The following CACNA1I variants were observed in gnomAD, a reference collection of about 807,000 sequenced individuals.
CACNA1I encodes the protein voltage-dependent T-type calcium channel subunit alpha-1I.
A neutral mutation model predicts 201.6 loss-of-function variants in CACNA1I; 74 were observed. The observed-to-expected ratio is 0.37, with a 90% CI of 0.30 to 0.45. CACNA1I has a LOEUF of 0.45. Ranked by LOEUF, CACNA1I falls within the 20% of genes least tolerant of loss-of-function variation. CACNA1I has a pLI of 1.00. For synonymous variants in CACNA1I, 1,431 were observed against 1,345.2 expected, an observed-to-expected ratio of 1.06 and a Z score of -1.40; for missense variants, 2,346 against 3,138.1, an observed-to-expected ratio of 0.75 and a Z score of 6.03.
At chr22:39,678,142 C>T (rs1173021233) in intron 31 of CACNA1I, 34 bp downstream of exon 31, 8 of 1,601,016 alleles carry the variant, frequency 5.0e-6, no homozygotes, top group African/African-American at 2.7e-5. Flanking sequence ...GAGAAATCAG[C>T]CAGGTGCTGG....
intron 5 of CACNA1I, among the ~76,000 whole-genome samples, chr22:39,637,045 C>G (rs1934235912): frequency 6.6e-6 from 1 of 152,232 alleles, no homozygotes; most frequent in Non-Finnish European, 1.5e-5. Flanking sequence ...CTCTCCCTGG[C>G]TGTGTGGGTG....
intron 7 of CACNA1I, among the ~76,000 whole-genome samples, chr22:39,646,034 T>C (rs1488685862): frequency 6.6e-6 from 1 of 152,036 alleles, no homozygotes; most frequent in African/African-American, 2.4e-5. Context: ...CTGGGCTCAG[T>C]GCAGATGTCC....
At position 39,685,826 on chromosome 22, in the gene CACNA1I, G is replaced by A. The variant is rs1264382556; in HGVS notation, c.6093G>A (p.Thr2031=). 1 of 1,496,254 alleles carries A rather than the reference G, an allele frequency of 6.7e-7. No homozygotes were observed. 92.7% of individuals were successfully genotyped at this position (1,496,254 alleles called of 1,614,324 possible). A position where few individuals can be genotyped will look rare whatever the true frequency, so the allele number is the denominator to read the frequency against. The change falls in exon 37 of 37, where the codon ACG becomes ACA. Residue 2031 remains threonine (T), a synonymous_variant. Transcript: ENST00000402142. The surrounding 1 kb of genome is among the most constrained non-coding windows in gnomAD (Gnocchi z 5.0). ...GCTCCGCGGGCAGCCTGCAGACCAC[G>A]CTCGAGGACAGCCTGACCCTGAGCG... ...PSSSAGSLQT[T]LEDSLTLSDS...
intron 1 of CACNA1I, among the ~76,000 whole-genome samples, chr22:39,583,498 A>G (rs534033724): frequency 1.6e-4 from 24 of 152,248 alleles, no homozygotes; most frequent in Non-Finnish European, 2.8e-4. Flanking sequence ...CCATCTCTTC[A>G]TGCATTCGTC....
intron 4 of CACNA1I, among the ~76,000 whole-genome samples, chr22:39,634,272 G>A (rs1310061937): frequency 6.6e-6 from 1 of 152,338 alleles, no homozygotes; most frequent in Non-Finnish European, 1.5e-5. Flanking sequence ...ATTTGTGCAA[G>A]TACGCAGAAG....
At chr22:39,644,895 C>T (rs907529824) in intron 7 of CACNA1I, among the ~76,000 whole-genome samples, 3 of 151,664 alleles carry the variant, frequency 2.0e-5, no homozygotes, top group Non-Finnish European at 4.4e-5. Flanking sequence ...GCTATATTTG[C>T]CAGGCTGGTC....
At chr22:39,601,688 C>T (rs1184333277) in intron 3 of CACNA1I, among the ~76,000 whole-genome samples, 2 of 151,788 alleles carry the variant, frequency 1.3e-5, no homozygotes, top group Non-Finnish European at 2.9e-5. Flanking sequence ...ATGGCTGAGA[C>T]GGACAGTCAG....
chr22:39,679,568 G>C, intron 32 of CACNA1I, 123 bp downstream of exon 32: 1 of 1,057,832 alleles, frequency 9.5e-7, no homozygotes, highest in Non-Finnish European at 1.3e-6. Context: ...ACCCTGCTCA[G>C]CTCCATAGAA....
chr22:39,678,714 TGG>T (rs1935589639), intron 31 of CACNA1I, among the ~76,000 whole-genome samples: 1 of 152,054 alleles, frequency 6.6e-6, no homozygotes, highest in African/African-American at 2.4e-5. Flanking sequence ...GCTTTGTGGT[TGG>T]GGGTTGAGCT....
At chr22:39,653,180 G>T (rs8140214) in intron 10 of CACNA1I, among the ~76,000 whole-genome samples, 13,011 of 149,114 alleles carry the variant, frequency 0.087, 1,563 homozygotes, top group African/African-American at 0.26. Flanking sequence ...AGAACCTGGC[G>T]CTTAGTAGGT....
At chr22:39,663,656 C>T in intron 18 of CACNA1I, 62 bp from the exon 19 acceptor site, 1 of 1,602,076 alleles carries the variant, frequency 6.2e-7, no homozygotes, top group Admixed American at 1.7e-5. Context: ...GGCCCTCTGC[C>T]TTCCTTCTGG....
At chr22:39,651,124 G>GGTGAC (rs992554838) in intron 10 of CACNA1I, among the ~76,000 whole-genome samples, 39 of 152,302 alleles carry the variant, frequency 2.6e-4, no homozygotes, top group African/African-American at 8.9e-4. Context: ...CCTAGCAGCT[G>GGTGAC]GTGACCCTGA....
chr22:39,658,131 C>T (rs771733076), intron 10 of CACNA1I, 21 bp from the exon 11 acceptor site: 1 of 1,612,536 alleles, frequency 6.2e-7, no homozygotes, highest in Non-Finnish European at 8.5e-7. Flanking sequence ...GGTCTCCATT[C>T]CCCACCCCAA....
chr22:39,684,596 C>T lies in CACNA1I; in HGVS notation c.6027+98C>T. The stretch of plus-strand genomic sequence containing the variant: ...CCAAGGGACTGGGAGGGGAAGGACC[C>T]AACCAAAGGCCGAGGGCACCACCGT... On this transcript the variant is annotated intron_variant, in intron 36 of 36. Coordinates refer to ENST00000402142, the MANE Select transcript of CACNA1I (RefSeq NM_021096.4). This position sits in a 1 kb window ranked among gnomAD's most constrained non-coding sequence, Gnocchi z 4.6. The T allele has an allele frequency of 3.0e-6, 4 of 1,323,024 alleles. No homozygotes were observed. The highest frequency in any genetic ancestry group is 4.2e-6 in the Non-Finnish European group (4 of 942,758). 82.0% of individuals were successfully genotyped at this position (1,323,024 alleles called of 1,614,324 possible).
chr22:39,614,152 A>G (rs1230050959), intron 3 of CACNA1I, among the ~76,000 whole-genome samples: 9 of 152,126 alleles, frequency 5.9e-5, no homozygotes, highest in Admixed American at 5.9e-4. Context: ...TGGGCCTGAC[A>G]TGGGCCCCTT....
chr22:39,614,609 C>T (rs540417596), intron 3 of CACNA1I, among the ~76,000 whole-genome samples: 4 of 152,334 alleles, frequency 2.6e-5, no homozygotes, highest in African/African-American at 9.6e-5. Context: ...CCTGGGATCA[C>T]GTGCCTATCC....
chr22:39,685,732 C>A lies in CACNA1I; in HGVS notation c.6028-29C>A. On this transcript the variant is annotated intron_variant, in intron 36 of 36. Transcript: ENST00000402142. This position sits in a 1 kb window ranked among gnomAD's most constrained non-coding sequence, Gnocchi z 5.0. ...TTGCTGGGGTGGGGGCCGACACAGG[C>A]GGCCTCCACGGCTCCCACCTCCCCC... The A allele has an allele frequency of 7.0e-7, 1 of 1,425,068 alleles. No individual in the cohort carries two copies. Among genetic ancestry groups the A allele is most frequent in the Non-Finnish European group, 9.1e-7 (1 of 1,098,494 alleles). The allele number at this position is 1,425,068 out of a possible 1,614,324, so 88.3% of individuals were successfully genotyped here. A position where few individuals can be genotyped will look rare whatever the true frequency, so the allele number is the denominator to read the frequency against.
intron 5 of CACNA1I, among the ~76,000 whole-genome samples, chr22:39,636,709 A>G (rs1934228273): frequency 6.6e-6 from 1 of 152,234 alleles, no homozygotes; most frequent in African/African-American, 2.4e-5. Flanking sequence ...GGTGATCAGA[A>G]AGCTGGAATT....
chr22:39,687,901 T>C lies in CACNA1I; in HGVS notation c.*1496T>C, dbSNP rs1296503029. The C allele has an allele frequency of 6.6e-6, 1 of 152,258 alleles. No homozygotes were observed. The highest frequency in any genetic ancestry group is 1.5e-5 in the Non-Finnish European group (1 of 68,050). 9.4% of individuals were successfully genotyped at this position (152,258 alleles called of 1,614,324 possible). A position where few individuals can be genotyped will look rare whatever the true frequency, so the allele number is the denominator to read the frequency against. On this transcript the variant is annotated 3_prime_UTR_variant, in exon 37 of 37. Transcript: ENST00000402142. The stretch of plus-strand genomic sequence containing the variant: ...TGGGAGCATGTTGGTGGCAGTGATC[T>C]GGAGAGGCTGCAGGGGCCACGAGTT...
Sources: allele counts gnomAD v4.1 joint callset (sites outside exome capture counted in the v4.1 genomes callset), GRCh38; gene constraint gnomAD v4.1.1; non-coding constraint Gnocchi (gnomAD v3.1); transcripts MANE v1.5; gene names NCBI Gene and HGNC (gene_info 2026-07-23, HGNC 2026-07-21).